The following PTPRD variants were observed in gnomAD, a reference collection of about 807,000 sequenced individuals.
PTPRD encodes protein tyrosine phosphatase receptor type D.
In PTPRD, 34 loss-of-function variants were observed where a neutral mutation model predicts 214.5. That is an observed-to-expected ratio of 0.16 (90% CI 0.12 to 0.21). The LOEUF (loss-of-function observed/expected upper bound fraction) is 0.21. Ranked by LOEUF, PTPRD falls within the 10% of genes least tolerant of loss-of-function variation. The pLI is 1.00. For missense variants in PTPRD, 2,545 were observed against 2,398.7 expected, an observed-to-expected ratio of 1.06 and a Z score of -1.27; for synonymous variants, 1,128 against 845.7, an observed-to-expected ratio of 1.33 and a Z score of -5.79.
intron 3 of PTPRD, among the ~76,000 whole-genome samples, chr9:10,304,608 T>C (rs1295354962): frequency 6.6e-6 from 1 of 152,010 alleles, no homozygotes; most frequent in Non-Finnish European, 1.5e-5. Flanking sequence ...AGGATCCCTA[T>C]ATACAAATAA....
chr9:10,479,192 G>T (rs1250709817), intron 2 of PTPRD, among the ~76,000 whole-genome samples: 1 of 152,090 alleles, frequency 6.6e-6, no homozygotes. Flanking sequence ...TAATGGCACA[G>T]AATTTCCAGG....
rs1398721697 is a variant in PTPRD at position 10,098,801 on chromosome 9, A to C, written c.-544-65011T>G. On this transcript the variant is annotated intron_variant, in intron 3 of 45. Coordinates refer to ENST00000381196, the MANE Select transcript of PTPRD (RefSeq NM_002839.4). Reference sequence around the variant, plus strand: ...ACATAAAACCAGTTGAATGGCAAAGACATGCAGGTGGTTAACTGCGGTACT... The same window carrying C: ...ACATAAAACCAGTTGAATGGCAAAGCCATGCAGGTGGTTAACTGCGGTACT... Among the ~76,000 whole-genome samples, 7 of 151,792 alleles carry C rather than the reference A, an allele frequency of 4.6e-5. No homozygotes were observed. In the South Asian group the frequency reaches 1.2e-3, roughly 27 times the overall value.
intron 4 of PTPRD, among the ~76,000 whole-genome samples, chr9:10,031,714 C>G (rs2097082119): frequency 6.8e-6 from 1 of 146,924 alleles, no homozygotes; most frequent in Non-Finnish European, 1.5e-5. Flanking sequence ...ACTACAAATA[C>G]GTCTTTAAGG....
At chr9:9,933,476 AAAG>A (rs1203034292) in intron 5 of PTPRD, among the ~76,000 whole-genome samples, 2 of 151,836 alleles carry the variant, frequency 1.3e-5, no homozygotes, top group Admixed American at 6.5e-5. Flanking sequence ...CAAAAGAGAC[AAAG>A]AAGGCCATTA....
At chr9:10,141,853 G>A (rs1465521967) in intron 3 of PTPRD, among the ~76,000 whole-genome samples, 8 of 151,784 alleles carry the variant, frequency 5.3e-5, no homozygotes, top group South Asian at 4.2e-4. Context: ...TTCAAACTAT[G>A]CTACAAGGCT....
At chr9:8,980,663 A>G (rs1310970195) in intron 11 of PTPRD, among the ~76,000 whole-genome samples, 1 of 152,130 alleles carries the variant, frequency 6.6e-6, no homozygotes, top group African/African-American at 2.4e-5. Context: ...CATTAGAGAA[A>G]TGACTCTGGC....
chr9:10,217,881 TG>T (rs1386386552), intron 3 of PTPRD, among the ~76,000 whole-genome samples: 1 of 151,896 alleles, frequency 6.6e-6, no homozygotes, highest in Non-Finnish European at 1.5e-5. Flanking sequence ...GATGCTCCAT[TG>T]GCCCTTAGAA....
Position 9,316,914 on chromosome 9 carries a change from ACT to A in PTPRD, c.-203+80533_-203+80534del, listed in dbSNP as rs538888218. On this transcript the variant is annotated intron_variant, in intron 9 of 45. Coordinates refer to ENST00000381196, the MANE Select transcript of PTPRD (RefSeq NM_002839.4). ...AGAATATTGAGATCATCAGGAACAAACTCTCTGTCTCTAAAGTTACAAAGTCA... is the reference window on the plus strand; with the variant it reads ...AGAATATTGAGATCATCAGGAACAAACTCTGTCTCTAAAGTTACAAAGTCA... Among the ~76,000 whole-genome samples the A allele has an allele frequency of 1.8e-3, 272 of 152,008 alleles. 1 individual carries two copies. The highest frequency in any genetic ancestry group is 6.1e-3 in the African/African-American group (253 of 41,470).
In PTPRD at chr9:8,967,895, C is replaced by G. The variant is rs111595288; in HGVS notation, c.-104+50802G>C. On this transcript the variant is annotated intron_variant, in intron 11 of 45. Coordinates refer to ENST00000381196, the MANE Select transcript of PTPRD (RefSeq NM_002839.4). Reference sequence around the variant, plus strand: ...ATTAGGTATATCTCCTAAAGCTATCCCTCCTCCCTCCCTCCACCCCACGAG... The same window carrying G: ...ATTAGGTATATCTCCTAAAGCTATCGCTCCTCCCTCCCTCCACCCCACGAG... Among the ~76,000 whole-genome samples, 1,184 of 152,052 alleles carry G rather than the reference C, an allele frequency of 7.8e-3. 18 individuals are homozygous for G. The highest frequency in any genetic ancestry group is 0.026 in the African/African-American group (1,090 of 41,478).
At chr9:9,930,195 A>C (rs918035919) in intron 5 of PTPRD, among the ~76,000 whole-genome samples, 1 of 152,212 alleles carries the variant, frequency 6.6e-6, no homozygotes, top group African/African-American at 2.4e-5. Flanking sequence ...GAAACAGTTT[A>C]GGAGACCTGC....
intron 36 of PTPRD, among the ~76,000 whole-genome samples, chr9:8,402,171 T>C (rs1301291257): frequency 6.6e-6 from 1 of 152,190 alleles, no homozygotes; most frequent in African/African-American, 2.4e-5. Flanking sequence ...TGAACTTCAA[T>C]TAAATGCTTC....
rs941203814 is a variant in PTPRD at position 9,144,543 on chromosome 9, G to A, written c.-143+38761C>T. On this transcript the variant is annotated intron_variant, in intron 10 of 45. Coordinates refer to ENST00000381196, the MANE Select transcript of PTPRD (RefSeq NM_002839.4). ...CTGAGGCGGGTGGATCACGAGGTCAGAAGGTCGAGACCATCCTGGCTAACA... is the reference window on the plus strand; with the variant it reads ...CTGAGGCGGGTGGATCACGAGGTCAAAAGGTCGAGACCATCCTGGCTAACA... 5.3e-5 allele frequency among the ~76,000 whole-genome samples: 8 copies of A among 152,214 alleles called. No individual in the cohort carries two copies. The East Asian group carries it at 1.5e-3, about 29-fold the overall frequency.
At chr9:8,941,909 G>A (rs1199035648) in intron 11 of PTPRD, among the ~76,000 whole-genome samples, 1 of 152,104 alleles carries the variant, frequency 6.6e-6, no homozygotes, top group Non-Finnish European at 1.5e-5. Flanking sequence ...GGGTTCAAGC[G>A]ATTCTCTTGC....
At chr9:9,249,389 C>T (rs150954274) in intron 9 of PTPRD, among the ~76,000 whole-genome samples, 1 of 151,996 alleles carries the variant, frequency 6.6e-6, no homozygotes, top group Non-Finnish European at 1.5e-5. Context: ...TCAGGTATTC[C>T]TTTAGTGCAA....
At chr9:9,669,383 C>G (rs1294673595) in intron 7 of PTPRD, among the ~76,000 whole-genome samples, 6 of 152,124 alleles carry the variant, frequency 3.9e-5, no homozygotes, top group Non-Finnish European at 8.8e-5. Flanking sequence ...AATCTAATTT[C>G]TATCACTAGG....
chr9:8,627,769 G>GATA (rs1158489600), intron 14 of PTPRD, among the ~76,000 whole-genome samples: 1 of 151,606 alleles, frequency 6.6e-6, no homozygotes, highest in East Asian at 1.9e-4. Flanking sequence ...CCCTTACTAG[G>GATA]GTCTCTCATA....
chr9:8,455,162 C>T (rs1053621805), intron 33 of PTPRD, among the ~76,000 whole-genome samples: 3 of 152,150 alleles, frequency 2.0e-5, no homozygotes, highest in African/African-American at 4.8e-5. Context: ...TTTCTTCAAA[C>T]ACCTCTTGCC....
intron 2 of PTPRD, among the ~76,000 whole-genome samples, chr9:10,440,062 A>G (rs1008499547): frequency 3.3e-5 from 5 of 151,500 alleles, no homozygotes; most frequent in African/African-American, 1.2e-4. Context: ...TTTTGCATCT[A>G]CTAAGTTAAA....
At chr9:8,429,959 A>C (rs973258555) in intron 35 of PTPRD, among the ~76,000 whole-genome samples, 1 of 152,214 alleles carries the variant, frequency 6.6e-6, no homozygotes, top group Admixed American at 6.5e-5. Flanking sequence ...TAGATGTCTG[A>C]TGACTGTTCA....
Sources: allele counts gnomAD v4.1 joint callset (sites outside exome capture counted in the v4.1 genomes callset), GRCh38; gene constraint gnomAD v4.1.1; transcripts MANE v1.5; gene names NCBI Gene and HGNC (gene_info 2026-07-23, HGNC 2026-07-21).